Variants in KLHL1 observed in about 807,000 individuals in gnomAD.
The protein encoded by KLHL1 is kelch like family member 1.
Under a neutral mutation model 77.7 loss-of-function variants are expected in KLHL1, and 47 were observed. The observed-to-expected ratio is 0.60, with a 90% CI of 0.48 to 0.77. The LOEUF is 0.77. Ranked by LOEUF, KLHL1 falls within the 30% of genes least tolerant of loss-of-function variation. The probability of loss-of-function intolerance (pLI) is 0.00; values close to 1 mark genes in which losing one functional copy is unlikely to be tolerated. For synonymous variants in KLHL1, 360 were observed against 325.2 expected (o/e 1.11, Z -1.15); for missense variants, 925 against 910.8 (o/e 1.02, Z -0.20).
rs866941938 is a variant in KLHL1, at chr13:69,785,183, C to T, written c.1639+11555G>A. Among the ~76,000 whole-genome samples the T allele has an allele frequency of 2.3e-4, 35 of 152,194 alleles. 1 individual carries two copies. Among genetic ancestry groups the T allele is most frequent in the African/African-American group, 7.0e-4 (29 of 41,540 alleles). ...CTGGGATTACAGGCGTGAGCCACCG[C>T]GCCCGGCCCAGAATATACATTTTTT... On this transcript the variant is annotated intron_variant, in intron 7 of 10. Coordinates refer to ENST00000377844, the MANE Select transcript of KLHL1 (RefSeq NM_020866.3).
intron 1 of KLHL1, among the ~76,000 whole-genome samples, chr13:70,105,462 TC>T (rs1246727132): frequency 6.6e-6 from 1 of 151,552 alleles, no homozygotes; most frequent in African/African-American, 2.4e-5. Flanking sequence ...CATTAATATT[TC>T]TAGGAGCTTA....
At chr13:70,079,490 C>T (rs1206955053) in intron 1 of KLHL1, among the ~76,000 whole-genome samples, 1 of 152,114 alleles carries the variant, frequency 6.6e-6, no homozygotes, top group Non-Finnish European at 1.5e-5. Flanking sequence ...TCAAAAATTA[C>T]TTATTTTGAT....
At chr13:70,060,700 G>C (rs1362150544) in intron 1 of KLHL1, among the ~76,000 whole-genome samples, 1 of 152,032 alleles carries the variant, frequency 6.6e-6, no homozygotes, top group African/African-American at 2.4e-5. Flanking sequence ...CAAAAAATTA[G>C]CTGGGCATGG....
chr13:69,827,576 G>A (rs1485878186), intron 6 of KLHL1, among the ~76,000 whole-genome samples: 1 of 151,334 alleles, frequency 6.6e-6, no homozygotes, highest in African/African-American at 2.4e-5. Context: ...CAGAAAATAC[G>A]AAAATTAGCT....
chr13:70,065,282 T>C (rs956203185), intron 1 of KLHL1, among the ~76,000 whole-genome samples: 1 of 152,158 alleles, frequency 6.6e-6, no homozygotes, highest in Non-Finnish European at 1.5e-5. Flanking sequence ...TTTTGCAGGA[T>C]TTCATATCCC....
rs1566508815 is a variant in KLHL1 at position 70,024,624 on chromosome 13, C to CTA, written c.498-48823_498-48822insTA. 9.8e-4 allele frequency among the ~76,000 whole-genome samples: 49 copies of CTA among 49,926 alleles called. 1 individual carries two copies. Among genetic ancestry groups the CTA allele is most frequent in the African/African-American group, 5.5e-3 (48 of 8,786 alleles). 32.8% of individuals were successfully genotyped at this position (49,926 alleles called of 152,430 possible). On this transcript the variant is annotated intron_variant, in intron 1 of 10. Transcript: ENST00000377844. ...TTAGGGGTGAGGAGAAAAGATTTCT[C>CTA]TCTCTCTCTCTCTCTCTCTCTCTCT...
At chr13:69,716,026 T>C (rs1876106665) in intron 9 of KLHL1, among the ~76,000 whole-genome samples, 1 of 152,144 alleles carries the variant, frequency 6.6e-6, no homozygotes, top group Admixed American at 6.6e-5. Context: ...AATGCAAATC[T>C]GGATTTGCAA....
chr13:70,038,292 T>C (rs1357196215), intron 1 of KLHL1, among the ~76,000 whole-genome samples: 1 of 152,170 alleles, frequency 6.6e-6, no homozygotes, highest in Non-Finnish European at 1.5e-5. Flanking sequence ...TACTATGGCT[T>C]TTTAATACCT....
At chr13:69,939,995 T>C (rs777701970) in intron 4 of KLHL1, 45 bp downstream of exon 4, 1 of 1,423,598 alleles carries the variant, frequency 7.0e-7, no homozygotes. Context: ...TTACCTCTGA[T>C]AACACAGAGT....
At chr13:69,789,057 ATCT>A (rs1876725799) in intron 7 of KLHL1, among the ~76,000 whole-genome samples, 1 of 151,792 alleles carries the variant, frequency 6.6e-6, no homozygotes, top group Non-Finnish European at 1.5e-5. Flanking sequence ...CTATCTATCT[ATCT>A]ATCTACTTAT....
intron 7 of KLHL1, among the ~76,000 whole-genome samples, chr13:69,778,568 A>G (rs1351421255): frequency 2.0e-5 from 3 of 152,158 alleles, no homozygotes. Context: ...ATATCTATGG[A>G]TTTCAGAGAA....
intron 1 of KLHL1, among the ~76,000 whole-genome samples, chr13:69,985,936 ATTAT>A (rs1453240003): frequency 1.3e-5 from 2 of 148,858 alleles, no homozygotes; most frequent in Non-Finnish European, 3.0e-5. Context: ...ATATATATGT[ATTAT>A]TTAAAGTAAT....
chr13:69,813,225 C>CA (rs1877964768), intron 6 of KLHL1, among the ~76,000 whole-genome samples: 2 of 148,058 alleles, frequency 1.4e-5, no homozygotes, highest in African/African-American at 2.5e-5. Flanking sequence ...ATCGCAAGGA[C>CA]AAAAAAACAA....
At position 69,941,883 on chromosome 13, in the gene KLHL1, G is replaced by A. The variant is rs191448785; in HGVS notation, c.818-1647C>T. ...TCTAGAGATGATGAATAAATCCCTG[G>A]AAATATACAATCCCCCTAGATTAAA... On this transcript the variant is annotated intron_variant, in intron 3 of 10. Coordinates refer to ENST00000377844, the MANE Select transcript of KLHL1 (RefSeq NM_020866.3). Among the ~76,000 whole-genome samples, 184 of 151,844 alleles carry A rather than the reference G, an allele frequency of 1.2e-3. 1 individual carries two copies. Among genetic ancestry groups the A allele is most frequent in the African/African-American group, 4.3e-3 (178 of 41,460 alleles).
At chr13:69,839,368 C>T (rs1225175819) in intron 5 of KLHL1, among the ~76,000 whole-genome samples, 1 of 151,614 alleles carries the variant, frequency 6.6e-6, no homozygotes, top group Non-Finnish European at 1.5e-5. Flanking sequence ...ATTTTTGATT[C>T]AATATTATTT....
At chr13:69,845,884 G>A (rs1879439551) in intron 5 of KLHL1, among the ~76,000 whole-genome samples, 1 of 150,694 alleles carries the variant, frequency 6.6e-6, no homozygotes, top group Non-Finnish European at 1.5e-5. Flanking sequence ...CAGAGATGTC[G>A]ATATTTGAAA....
At chr13:69,722,606 G>A (rs9542049) in intron 8 of KLHL1, among the ~76,000 whole-genome samples, 2,599 of 151,750 alleles carry the variant, frequency 0.017, 25 homozygotes, top group Non-Finnish European at 0.026. Flanking sequence ...ATGAGATATC[G>A]CCTCACTCCA....
chr13:70,107,465 A>T lies in KLHL1; in HGVS notation c.235T>A (p.Ser79Thr), dbSNP rs751702187. 6 of 1,614,102 alleles carry T rather than the reference A, an allele frequency of 3.7e-6. No homozygotes were observed. The Admixed American group carries it at 8.3e-5, about 22-fold the overall frequency. ...GAGGAGGAAGAGGACGGGGAGGACG[A>T]TGAAGAGGAAGAGGAGGAAGGCTTC... Reference protein sequence around the residue: ...WKKPSSSSSSSSSPSSSSSSF... With the variant: ...WKKPSSSSSSTSSPSSSSSSF... The change falls in exon 1 of 11, where the codon TCG becomes ACG. Residue 79 changes from serine (S) to threonine (T), a missense_variant. By Grantham distance (58) the Ser-to-Thr change is moderately conservative. Transcript: ENST00000377844.
intron 5 of KLHL1, among the ~76,000 whole-genome samples, chr13:69,842,336 ACAACT>A (rs1203593241): frequency 6.6e-6 from 1 of 151,854 alleles, no homozygotes; most frequent in African/African-American, 2.4e-5. Context: ...GAAACAAAAA[ACAACT>A]CAACAAGAAA....
Sources: gnomAD v4.1 joint callset for allele counts (sites outside exome capture counted in the v4.1 genomes callset) on GRCh38, gnomAD v4.1.1 for gene constraint, MANE v1.5 for transcripts, NCBI Gene and HGNC (gene_info 2026-07-23, HGNC 2026-07-21) for gene names.